CRYAB: variants seen among roughly 807,000 people sequenced by gnomAD.
CRYAB encodes the protein crystallin alpha B.
A neutral mutation model predicts 12.7 loss-of-function variants in CRYAB; 9 were observed. The ratio of observed to expected loss-of-function variants is 0.71; its 90% CI spans 0.43 to 1.24. The LOEUF is 1.24. Among genes scored for constraint, CRYAB ranks in the 50% most tolerant of loss-of-function variants. The pLI is 0.00. For synonymous variants in CRYAB, 93 were observed against 86.8 expected (o/e 1.07, Z -0.40); for missense variants, 183 against 226.6 (o/e 0.81, Z 1.24).
rs104894202 is a variant in CRYAB at position 111,908,841 on chromosome 11, G to C, written c.451C>G (p.Gln151Glu). Reference sequence around the variant, plus strand: ...ATGGTGCGCTCAGGGCCAGAGACCTGTTTCCTTGGTCCATTCACAGTGAGG... The same window carrying C: ...ATGGTGCGCTCAGGGCCAGAGACCTCTTTCCTTGGTCCATTCACAGTGAGG... ...GVLTVNGPRK[Q>E]VSGPERTIPI... is the part of the protein sequence containing the mutation. The change falls in exon 3 of 3, where the codon CAG (glutamine) becomes GAG (glutamate). Residue 151 changes from glutamine to glutamate, a missense_variant. Physicochemically the swap from Gln to Glu is conservative, Grantham distance 29 (BLOSUM62 2). Around this residue, in one of 3 missense-constraint regions of CRYAB, gnomAD observed 95 missense variants for 112.5 expected, o/e 0.84. Transcript: ENST00000650687. 6.2e-7 allele frequency: 1 copy of C among 1,613,928 alleles called. No homozygotes were observed. The highest frequency in any genetic ancestry group is 1.3e-5 in the African/African-American group (1 of 74,930).
upstream of CRYAB, among the ~76,000 whole-genome samples, chr11:111,916,868 T>A (rs587690182): frequency 3.9e-5 from 6 of 152,062 alleles, no homozygotes; most frequent in South Asian, 1.2e-3. Context: ...TCTTTTCTTT[T>A]TTTTTTTAGA....
intron 1 of CRYAB, chr11:111,923,664 T>A (rs587611736): frequency 1.3e-5 from 2 of 152,282 alleles, no homozygotes; most frequent in South Asian, 2.1e-4. Flanking sequence ...ATATAAGAGG[T>A]CTGCCCTACA....
chr11:111,919,119 T>C, intron 1 of CRYAB: 1 of 1,159,732 alleles, frequency 8.6e-7, no homozygotes, highest in South Asian at 1.4e-5. Flanking sequence ...GCCACCTTCC[T>C]CTGCCTGGTA....
intron 1 of CRYAB, among the ~76,000 whole-genome samples, chr11:111,921,546 T>G (rs964278776): frequency 3.3e-5 from 5 of 152,198 alleles, no homozygotes. Flanking sequence ...AATGTCAGGA[T>G]TGAAAAAATA....
chr11:111,919,521 G>A (rs1965654883), intron 1 of CRYAB, among the ~76,000 whole-genome samples: 1 of 152,150 alleles, frequency 6.6e-6, no homozygotes, highest in Admixed American at 6.5e-5. Context: ...TCTGCGGAAT[G>A]GCCAGAGCAG....
chr11:111,914,059 T>C, upstream of CRYAB: 1 of 686,220 alleles, frequency 1.5e-6, no homozygotes, highest in South Asian at 2.0e-5. Flanking sequence ...TTGGTTTAGT[T>C]TTGGGTGGAG....
chr11:111,914,949 C>T (rs138961083), upstream of CRYAB, among the ~76,000 whole-genome samples: 977 of 152,134 alleles, frequency 6.4e-3, 11 homozygotes, highest in African/African-American at 0.022. Flanking sequence ...GTGGTGCATG[C>T]CTGTAGTCCC....
upstream of CRYAB, chr11:111,912,681 TC>T (rs201659950): frequency 9.2e-4 from 212 of 229,488 alleles, 1 homozygote; most frequent in African/African-American, 4.6e-3. Flanking sequence ...TCCCAGCCCC[TC>T]CCCCCCCAAG....
In CRYAB at chr11:111,910,754, A is replaced by C. The variant is rs1965427138; in HGVS notation, c.202-305T>G. 8.8e-6 allele frequency: 4 copies of C among 452,248 alleles called. No homozygotes were observed. In the Admixed American group the frequency reaches 1.0e-4, roughly 12 times the overall value. The allele number at this position is 452,248 out of a possible 1,614,324, so 28.0% of individuals were successfully genotyped here. A position where few individuals can be genotyped will look rare whatever the true frequency, so the allele number is the denominator to read the frequency against. On this transcript the variant is annotated intron_variant, in intron 1 of 2. Transcript: ENST00000650687. The stretch of plus-strand genomic sequence containing the variant: ...TGGCATCTGCTGCCTCTCTGACTCC[A>C]ATGCCTGGCTTTGTGGTTTGTCTGT...
Position 111,908,709 on chromosome 11 carries a change from A to G in CRYAB, c.*55T>C. ...CTTCAGCACTAGTCACAAGACTTTCATTCACTGGTGGGGAAACTTTCTTGT... is the reference window on the plus strand; with the variant it reads ...CTTCAGCACTAGTCACAAGACTTTCGTTCACTGGTGGGGAAACTTTCTTGT... On this transcript the variant is annotated 3_prime_UTR_variant, in exon 3 of 3. Transcript: ENST00000650687. 1 of 1,572,844 alleles carries G rather than the reference A, an allele frequency of 6.4e-7. No individual in the cohort carries two copies. Among genetic ancestry groups the G allele is most frequent in the South Asian group, 1.1e-5 (1 of 89,960 alleles).
chr11:111,920,688 C>T (rs1169330012), intron 1 of CRYAB, among the ~76,000 whole-genome samples: 2 of 152,198 alleles, frequency 1.3e-5, no homozygotes, highest in Admixed American at 1.3e-4. Context: ...CACCTGAGCC[C>T]TGGGGGTAGA....
chr11:111,912,910 G>A (rs782159997), upstream of CRYAB: 1 of 1,605,850 alleles, frequency 6.2e-7, no homozygotes, highest in Non-Finnish European at 8.5e-7. Flanking sequence ...TGGGTGAGCA[G>A]CGCTTCGGAG....
At chr11:111,912,795 C>T (rs1555165737), upstream of CRYAB, 1 of 1,535,156 alleles carries the variant, frequency 6.5e-7, no homozygotes, top group Non-Finnish European at 8.9e-7. Flanking sequence ...GTTGGGGCTG[C>T]ACCTCGGACC....
At chr11:111,911,084 A>G (rs1965439202) in intron 1 of CRYAB, among the ~76,000 whole-genome samples, 1 of 152,142 alleles carries the variant, frequency 6.6e-6, no homozygotes, top group Non-Finnish European at 1.5e-5. Context: ...ATCATAGAAG[A>G]GGGAATAGAA....
chr11:111,912,688 C>A (rs1042490354), upstream of CRYAB: 12 of 533,978 alleles, frequency 2.2e-5, no homozygotes, highest in East Asian at 1.6e-4. Context: ...CCCTCCCCCC[C>A]CAAGAGGCTC....
chr11:111,922,769 G>T (rs1315878179), intron 1 of CRYAB, among the ~76,000 whole-genome samples: 2 of 152,044 alleles, frequency 1.3e-5, no homozygotes, highest in Admixed American at 6.6e-5. Context: ...ATCCATATTT[G>T]TACATGTATA....
upstream of CRYAB, among the ~76,000 whole-genome samples, chr11:111,915,794 G>T (rs1199153273): frequency 2.0e-5 from 3 of 152,158 alleles, no homozygotes; most frequent in Non-Finnish European, 4.4e-5. Flanking sequence ...TCAGGATGGA[G>T]TGCAGTGGCA....
intron 1 of CRYAB, 109 bp downstream of exon 1, chr11:111,911,413 GAC>G: frequency 9.2e-7 from 1 of 1,089,652 alleles, no homozygotes; most frequent in Non-Finnish European, 1.4e-6. Flanking sequence ...TTCACATTTG[GAC>G]ACACATGTGC....
intron 1 of CRYAB, chr11:111,919,209 T>A (rs1397482859): frequency 4.9e-6 from 3 of 616,442 alleles, no homozygotes; most frequent in Non-Finnish European, 8.6e-6. Flanking sequence ...GCGCGGTGGC[T>A]CACGCCTCTA....
Sources: gnomAD v4.1 joint callset for allele counts (sites outside exome capture counted in the v4.1 genomes callset) on GRCh38, gnomAD v4.1.1 for gene constraint, gnomAD v4.1.1 regional missense constraint, MANE v1.5 for transcripts, NCBI Gene and HGNC (gene_info 2026-07-23, HGNC 2026-07-21) for gene names.